The following KANSL3 variants were observed in gnomAD, a reference collection of about 807,000 sequenced individuals.
KANSL3 encodes KAT8 regulatory NSL complex subunit 3.
A neutral mutation model predicts 89.2 loss-of-function variants in KANSL3; 16 were observed. The ratio of observed to expected loss-of-function variants is 0.18; its 90% CI spans 0.12 to 0.27. The LOEUF (loss-of-function observed/expected upper bound fraction) is 0.27, where lower values mean the gene tolerates loss of function less well. Among genes scored for constraint, KANSL3 ranks in the 10% least tolerant of loss-of-function variants. KANSL3 has a pLI of 1.00. For missense variants in KANSL3, 879 were observed against 1,110.6 expected (o/e 0.79, Z 2.96); for synonymous variants, 385 against 419.7 (o/e 0.92, Z 1.01).
intron 14 of KANSL3, chr2:96,606,955 A>G: frequency 7.9e-7 from 1 of 1,273,866 alleles, no homozygotes; most frequent in East Asian, 5.6e-5. Flanking sequence ...GCAGGCAAGA[A>G]AGAGTAATAC....
rs1268306625 is a variant in KANSL3 at position 96,601,788 on chromosome 2, A to G, written c.2483-12T>C. 2.5e-5 allele frequency: 38 copies of G among 1,540,774 alleles called. No homozygotes were observed. The highest frequency in any genetic ancestry group is 2.9e-5 in the Non-Finnish European group (33 of 1,145,694). ...GGGGACCTTCAAGCCTGAGATAAAG[A>G]GAGAGAAGCAGAATTTTTGAGTCAC... On this transcript the variant is annotated splice_polypyrimidine_tract_variant and intron_variant, in intron 19 of 20. Transcript: ENST00000431828.
downstream of KANSL3, among the ~76,000 whole-genome samples, chr2:96,591,862 C>T (rs1218153636): frequency 2.7e-5 from 4 of 148,046 alleles, no homozygotes; most frequent in East Asian, 7.7e-4. Context: ...GAGGCAAGTA[C>T]CAAAACCGTG....
chr2:96,625,964 C>T (rs182802022), intron 3 of KANSL3, among the ~76,000 whole-genome samples: 12 of 152,268 alleles, frequency 7.9e-5, no homozygotes, highest in African/African-American at 2.9e-4. Context: ...ACTCCCCACC[C>T]CGTGCCCCAC....
At chr2:96,582,671 T>C in the KANSL3 span, among the ~76,000 whole-genome samples, 1 of 152,266 alleles carries the variant, frequency 6.6e-6, no homozygotes, top group African/African-American at 2.4e-5. Context: ...TCTCAATTGA[T>C]TGCCTTTTCT....
At chr2:96,624,958 C>A (rs1573571201) in intron 3 of KANSL3, among the ~76,000 whole-genome samples, 1 of 152,218 alleles carries the variant, frequency 6.6e-6, no homozygotes, top group Non-Finnish European at 1.5e-5. Context: ...GTAATCCCAG[C>A]ACTTTGGGAG....
Position 96,631,376 on chromosome 2 carries a change from T to C in KANSL3, c.322A>G (p.Ile108Val). ...GCATCTGCATCAGTCCTGGCAAAGA[T>C]GACATGCCGTTCACACTCATTCATC... ...SVMNECERHV[I>V]FARTDADAPP... is the part of the protein sequence containing the mutation. Residue 108 changes from isoleucine (I) to valine (V), a missense_variant, in exon 3 of 21, where the codon ATC becomes GTC. Coordinates refer to ENST00000431828, the MANE Select transcript of KANSL3 (RefSeq NM_001115016.3). 6.2e-7 allele frequency: 1 copy of C among 1,612,168 alleles called. No individual in the cohort carries two copies. Among genetic ancestry groups the C allele is most frequent in the Non-Finnish European group, 8.5e-7 (1 of 1,179,140 alleles).
Position 96,609,028 on chromosome 2 carries a change from G to T in KANSL3, c.1420C>A (p.Arg474Ser), listed in dbSNP as rs776152330. Residue 474 changes from arginine to serine, a missense_variant, in exon 13 of 21, where the codon CGT (arginine) becomes AGT (serine). Arg to Ser is a moderately radical substitution (Grantham distance 110). This residue lies in a region of KANSL3 where 317 missense variants were observed against 311.2 expected (regional missense o/e 1.02). Transcript: ENST00000431828. ...IVDFLTGVLT[R>S]AEGHMGSEPR... ...TCAGAGCCCATGTGACCCTCAGCACGAGTGAGCACTCCAGTCAGAAAGTCC... is the reference window on the plus strand; with the variant it reads ...TCAGAGCCCATGTGACCCTCAGCACTAGTGAGCACTCCAGTCAGAAAGTCC... 3.2e-6 allele frequency: 5 copies of T among 1,564,934 alleles called. No individual in the cohort carries two copies. Among genetic ancestry groups the T allele is most frequent in the Non-Finnish European group, 3.5e-6 (4 of 1,154,536 alleles).
chr2:96,609,586 GT>G, intron 11 of KANSL3, 24 bp from the exon 12 acceptor site: 1 of 1,594,856 alleles, frequency 6.3e-7, no homozygotes, highest in Non-Finnish European at 8.6e-7. Flanking sequence ...AGGATGACAT[GT>G]TTACTTCTTA....
At chr2:96,608,377 A>G (rs2068328444) in intron 14 of KANSL3, 131 bp downstream of exon 14, 2 of 876,400 alleles carry the variant, frequency 2.3e-6, no homozygotes, top group African/African-American at 3.3e-5. Context: ...TTTTGCCTGC[A>G]CAGAAATGTG....
At chr2:96,598,261 A>G in intron 20 of KANSL3, 4 of 295,932 alleles carry the variant, frequency 1.4e-5, no homozygotes, top group African/African-American at 2.3e-5. Context: ...GAGAGGGGAA[A>G]AGCACTTCCC....
In KANSL3 at chr2:96,610,830, A is replaced by C; in HGVS notation, c.1215T>G (p.Gly405=). The change falls in exon 11 of 21, where the codon GGT becomes GGG. Residue 405 remains glycine, a synonymous_variant. Coordinates refer to ENST00000431828, the MANE Select transcript of KANSL3 (RefSeq NM_001115016.3). The part of the protein sequence containing the change: ...DMKTPVLFVI[G]QNSLQCHPEA... ...CAGGGTGACATTGAAGGGAATTCTG[A>C]CCAATGACAAAGAGGACTGGAGTCT... 6.2e-7 allele frequency: 1 copy of C among 1,613,978 alleles called. No homozygotes were observed. Among genetic ancestry groups the C allele is most frequent in the Non-Finnish European group, 8.5e-7 (1 of 1,179,850 alleles).
At chr2:96,612,728 C>T (rs545272269) in intron 7 of KANSL3, 90 bp downstream of exon 7, 2 of 1,160,720 alleles carry the variant, frequency 1.7e-6, no homozygotes, top group Non-Finnish European at 2.5e-6. Context: ...TCAAGTTACC[C>T]ATTTTGACCT....
rs772611155 is a variant in KANSL3, at chr2:96,605,509, G to A, written c.1744C>T (p.Pro582Ser). 1 of 1,612,370 alleles carries A rather than the reference G, an allele frequency of 6.2e-7. No homozygotes were observed. The highest frequency in any genetic ancestry group is 1.1e-5 in the South Asian group (1 of 90,934). Residue 582 changes from proline (P) to serine (S), a missense_variant and splice_region_variant, in exon 15 of 21, where the codon CCC (proline) becomes TCC (serine). Physicochemically the swap from Pro to Ser is moderately conservative, Grantham distance 74 (BLOSUM62 -1). Transcript: ENST00000431828. The stretch of plus-strand genomic sequence containing the variant: ...TCCTCTGGTGGTTCTGATGAAATGG[G>A]AACTAAGACATGGAGCTGAGTTGAG... ...AVLTHKQAQV[P>S]ISSEPPEEGE...
At chr2:96,614,155 G>A (rs2069519664) in intron 5 of KANSL3, among the ~76,000 whole-genome samples, 3 of 152,172 alleles carry the variant, frequency 2.0e-5, no homozygotes, top group African/African-American at 7.2e-5. Flanking sequence ...GCAGTGGCCT[G>A]ATCTTGGCTC....
intron 14 of KANSL3, 95 bp from the exon 15 acceptor site, chr2:96,605,606 G>T: frequency 9.6e-7 from 1 of 1,046,846 alleles, no homozygotes; most frequent in Non-Finnish European, 1.5e-6. Context: ...TGTGTAGAAT[G>T]TAGAACACAC....
At position 96,608,892 on chromosome 2, in the gene KANSL3, T is replaced by C. The variant is rs771846358; in HGVS notation, c.1556A>G (p.Lys519Arg). The C allele has an allele frequency of 3.8e-6, 6 of 1,580,570 alleles. No homozygotes were observed. In the South Asian group the frequency reaches 6.9e-5, roughly 18 times the overall value. Residue 519 changes from lysine to arginine, a missense_variant, in exon 13 of 21, where the codon AAG becomes AGG. Transcript: ENST00000431828. ...TGAGCCTGAGGGTGAGGCGGGCAGC[T>C]TGGCAGCTGGGGAGGCAGGTCGACT... The part of the protein sequence containing the change: ...RGSRPASPAA[K>R]LPASPSGSED...
chr2:96,619,883 T>C (rs2070928011), intron 3 of KANSL3, 121 bp from the exon 4 acceptor site: 2 of 765,992 alleles, frequency 2.6e-6, no homozygotes, highest in Non-Finnish European at 2.1e-6. Context: ...TAAAACGAAG[T>C]AGCTTAGTCT....
intron 11 of KANSL3, among the ~76,000 whole-genome samples, chr2:96,610,126 T>C (rs1380320561): frequency 6.6e-6 from 1 of 151,796 alleles, no homozygotes; most frequent in African/African-American, 2.4e-5. Context: ...GAAACATGAG[T>C]CTGTAAATTA....
rs1413003364 is a variant in KANSL3 at position 96,604,813 on chromosome 2, C to T, written c.1984G>A (p.Ala662Thr). Residue 662 changes from alanine (A) to threonine (T), a missense_variant, in exon 16 of 21, where the codon GCC becomes ACC. This residue lies in a region of KANSL3 where 317 missense variants were observed against 311.2 expected (regional missense o/e 1.02). Coordinates refer to ENST00000431828, the MANE Select transcript of KANSL3 (RefSeq NM_001115016.3). ...GTGAGAAGTCCTGTGAGCTCCTTGG[C>T]CCCTGCTGAAGCCTGCCCCAGTGTC... ...TMTLGQASAG[A>T]KELTGLLTTA... 1 of 1,600,356 alleles carries T rather than the reference C, an allele frequency of 6.2e-7. No homozygotes were observed. The highest frequency in any genetic ancestry group is 8.5e-7 in the Non-Finnish European group (1 of 1,173,592).
Sources: allele counts gnomAD v4.1 joint callset (sites outside exome capture counted in the v4.1 genomes callset), GRCh38; gene constraint gnomAD v4.1.1; regional missense constraint gnomAD v4.1.1; transcripts MANE v1.5; gene names NCBI Gene and HGNC (gene_info 2026-07-23, HGNC 2026-07-21).